Variants in ASB5 observed in about 807,000 individuals in gnomAD.
The protein encoded by ASB5 is ankyrin repeat and SOCS box containing 5, also known as ankyrin repeat and SOCS box protein 5.
A neutral mutation model predicts 42.1 loss-of-function variants in ASB5; 45 were observed. The observed-to-expected ratio is 1.07, with a 90% CI of 0.84 to 1.37. The LOEUF is 1.37. Among genes scored for constraint, ASB5 ranks in the 40% most tolerant of loss-of-function variants. ASB5 has a pLI of 0.00. For synonymous variants in ASB5, 147 were observed against 150.6 expected, an observed-to-expected ratio of 0.98 and a Z score of 0.18; for missense variants, 402 against 399.8, an observed-to-expected ratio of 1.01 and a Z score of -0.05.
chr4:176,219,336 A>G (rs1753105885), intron 5 of ASB5, among the ~76,000 whole-genome samples: 1 of 78,618 alleles, frequency 1.3e-5, no homozygotes, highest in Admixed American at 1.8e-4. Context: ...TGATATATAA[A>G]TATATATATT....
At chr4:176,242,413 T>C (rs900876142) in intron 1 of ASB5, among the ~76,000 whole-genome samples, 3 of 152,246 alleles carry the variant, frequency 2.0e-5, no homozygotes, top group Non-Finnish European at 2.9e-5. Flanking sequence ...TTTTAAAAAC[T>C]ACTTATACAT....
chr4:176,235,156 C>T (rs1579320786), intron 1 of ASB5, among the ~76,000 whole-genome samples: 1 of 152,210 alleles, frequency 6.6e-6, no homozygotes, highest in East Asian at 1.9e-4. Flanking sequence ...TGAAGAGTTA[C>T]TTCAATAAAA....
chr4:176,216,946 C>T lies in ASB5; in HGVS notation c.734G>A (p.Ser245Asn). 1.2e-6 allele frequency: 2 copies of T among 1,613,930 alleles called. No homozygotes were observed. Among genetic ancestry groups the T allele is most frequent in the South Asian group, 2.2e-5 (2 of 91,042 alleles). ...TAGCAGTAAGTTTACAATTTCTGTG[C>T]TGGATTGTTGAGCAGCAGCATGTAA... ...TPLHAAAQQSSTEIVNLLLEF... is the reference protein window; with the variant it reads ...TPLHAAAQQSNTEIVNLLLEF... Residue 245 changes from serine to asparagine, a missense_variant, in exon 6 of 7, where the codon AGC (serine) becomes AAC (asparagine). By Grantham distance (46) the Ser-to-Asn change is conservative. Coordinates refer to ENST00000296525, the MANE Select transcript of ASB5 (RefSeq NM_080874.4).
chr4:176,277,321 C>G (rs956844367), exon 1 of ASB5: 4 of 152,320 alleles, frequency 2.6e-5, no homozygotes, highest in African/African-American at 9.6e-5. Flanking sequence ...TCCCGTGTGC[C>G]AGGTGCTATA....
chr4:176,275,307 G>A (rs1431858558), intron 2 of ASB5, among the ~76,000 whole-genome samples: 1 of 152,050 alleles, frequency 6.6e-6, no homozygotes. Flanking sequence ...CCTGGAACAT[G>A]GCCAATTGGC....
rs537332598 is a variant in ASB5 at position 176,240,035 on chromosome 4, G to A, written c.197-14694C>T. On this transcript the variant is annotated intron_variant, in intron 1 of 6. Coordinates refer to ENST00000296525, the MANE Select transcript of ASB5 (RefSeq NM_080874.4). ...ATTCATAAAAAGAAATGCACAGTGA[G>A]TGAACGCGTTAGGGACAGAATTGTT... Among the ~76,000 whole-genome samples the A allele has an allele frequency of 1.8e-3, 275 of 152,186 alleles. 1 individual carries two copies. The highest frequency in any genetic ancestry group is 3.5e-3 in the Non-Finnish European group (238 of 68,028).
intron 1 of ASB5, among the ~76,000 whole-genome samples, chr4:176,267,152 G>A (rs751585457): frequency 1.3e-5 from 2 of 152,122 alleles, no homozygotes; most frequent in Admixed American, 6.6e-5. Context: ...GCTACAGGCC[G>A]CCCATGAGGG....
chr4:176,220,486 C>T (rs1399655609), intron 5 of ASB5, among the ~76,000 whole-genome samples: 2 of 151,984 alleles, frequency 1.3e-5, no homozygotes, highest in Non-Finnish European at 2.9e-5. Context: ...AGGAACGACG[C>T]TAAAGAAAAG....
rs28690771 is a variant in ASB5, at chr4:176,217,303, C to A, written c.671-294G>T. Among the ~76,000 whole-genome samples the A allele has an allele frequency of 7.9e-3, 1,203 of 152,120 alleles. 21 individuals are homozygous for A. Among genetic ancestry groups the A allele is most frequent in the African/African-American group, 0.027 (1,135 of 41,508 alleles). On this transcript the variant is annotated intron_variant, in intron 5 of 6. Coordinates refer to ENST00000296525, the MANE Select transcript of ASB5 (RefSeq NM_080874.4). ...ATGCTTGAACTATCATAATAAAATT[C>A]TTTTTAACTTTTAAATGATTCCAAA...
At chr4:176,249,864 G>C (rs570673120) in intron 1 of ASB5, among the ~76,000 whole-genome samples, 4 of 152,042 alleles carry the variant, frequency 2.6e-5, no homozygotes, top group Middle Eastern at 3.4e-3. Flanking sequence ...AGGAGATGGA[G>C]ACCATCCTGG....
upstream of ASB5, among the ~76,000 whole-genome samples, chr4:176,269,911 G>A (rs1042002914): frequency 1.3e-5 from 2 of 152,124 alleles, no homozygotes; most frequent in East Asian, 3.9e-4. Context: ...AAACCTGGGA[G>A]GGAGGTGTCA....
upstream of ASB5, among the ~76,000 whole-genome samples, chr4:176,272,262 A>G (rs1189950579): frequency 3.9e-5 from 6 of 152,200 alleles, no homozygotes; most frequent in Non-Finnish European, 7.4e-5. Context: ...ATTAAGAACT[A>G]TTAGGTTGGT....
At chr4:176,260,008 A>T (rs1222654023) in intron 1 of ASB5, among the ~76,000 whole-genome samples, 1 of 152,238 alleles carries the variant, frequency 6.6e-6, no homozygotes, top group African/African-American at 2.4e-5. Context: ...CCTAGGAAAG[A>T]ATTTCGAAAG....
chr4:176,244,187 T>A (rs1579325945), intron 1 of ASB5, among the ~76,000 whole-genome samples: 1 of 152,324 alleles, frequency 6.6e-6, no homozygotes, highest in South Asian at 2.1e-4. Context: ...ATTATATTTA[T>A]GATTTTTAAA....
In ASB5 at chr4:176,241,718, T is replaced by C. The variant is rs990237218; in HGVS notation, c.197-16377A>G. The C allele has an allele frequency of 2.4e-6, 3 of 1,241,028 alleles. No individual in the cohort carries two copies. In the South Asian group the frequency reaches 8.7e-5, roughly 36 times the overall value. The allele number at this position is 1,241,028 out of a possible 1,614,324, so 76.9% of individuals were successfully genotyped here. ...TGAGAGTAAGCCTGACATAAGCATCTTGGAAAAAAAATTGAGCAGTTGTTA... is the reference window on the plus strand; with the variant it reads ...TGAGAGTAAGCCTGACATAAGCATCCTGGAAAAAAAATTGAGCAGTTGTTA... On this transcript the variant is annotated intron_variant, in intron 1 of 6. Coordinates refer to ENST00000296525, the MANE Select transcript of ASB5 (RefSeq NM_080874.4).
At chr4:176,262,393 T>C (rs1433249875) in intron 1 of ASB5, among the ~76,000 whole-genome samples, 1 of 152,076 alleles carries the variant, frequency 6.6e-6, no homozygotes, top group Non-Finnish European at 1.5e-5. Context: ...AAATAACAAA[T>C]TGAGAAGTGA....
At chr4:176,228,838 A>C (rs1019010506) in intron 1 of ASB5, among the ~76,000 whole-genome samples, 2 of 152,184 alleles carry the variant, frequency 1.3e-5, no homozygotes, top group Non-Finnish European at 2.9e-5. Flanking sequence ...TCCGGCTTCT[A>C]AGATGAAATC....
chr4:176,223,387 T>C (rs1472326633), intron 2 of ASB5, among the ~76,000 whole-genome samples: 1 of 152,246 alleles, frequency 6.6e-6, no homozygotes, highest in African/African-American at 2.4e-5. Context: ...CATCATTTTA[T>C]TGTAATTATT....
At chr4:176,242,639 C>T (rs1351001570) in intron 1 of ASB5, among the ~76,000 whole-genome samples, 5 of 152,126 alleles carry the variant, frequency 3.3e-5, no homozygotes, top group African/African-American at 4.8e-5. Flanking sequence ...TCTGTAACAA[C>T]GACAAGTTTG....
Sources: gnomAD v4.1 joint callset for allele counts (sites outside exome capture counted in the v4.1 genomes callset) on GRCh38, gnomAD v4.1.1 for gene constraint, MANE v1.5 for transcripts, NCBI Gene and HGNC (gene_info 2026-07-23, HGNC 2026-07-21) for gene names.